TP53BP2: variants seen among roughly 807,000 people sequenced by gnomAD.
TP53BP2 encodes the protein apoptosis-stimulating of p53 protein 2.
Under a neutral mutation model 126.2 loss-of-function variants are expected in TP53BP2, and 62 were observed. The ratio of observed to expected loss-of-function variants is 0.49; its 90% CI spans 0.40 to 0.61. TP53BP2 has a LOEUF of 0.61. Ranked by LOEUF, TP53BP2 falls within the 20% of genes least tolerant of loss-of-function variation. TP53BP2 has a pLI of 0.00. For missense variants in TP53BP2, 1,215 were observed against 1,402.8 expected (o/e 0.87, Z 2.14); for synonymous variants, 485 against 502.9 (o/e 0.96, Z 0.48).
intron 17 of TP53BP2, among the ~76,000 whole-genome samples, chr1:223,782,039 C>CCT (rs3835623): frequency 0.31 from 46,735 of 151,938 alleles, 10,489 homozygotes; most frequent in African/African-American, 0.64. Flanking sequence ...AACCACAGGA[C>CCT]CTGTGTTAGA....
At chr1:223,825,361 T>C (rs1162553619) in intron 1 of TP53BP2, among the ~76,000 whole-genome samples, 1 of 152,144 alleles carries the variant, frequency 6.6e-6, no homozygotes, top group African/African-American at 2.4e-5. Flanking sequence ...AAAACCAAGA[T>C]TGAGCCCCTT....
intron 1 of TP53BP2, among the ~76,000 whole-genome samples, chr1:223,822,424 G>A (rs1472284192): frequency 6.6e-5 from 10 of 152,104 alleles, no homozygotes; most frequent in African/African-American, 1.9e-4. Context: ...CCAACACTTT[G>A]GGAGGCCAAG....
rs761206664 is a variant in TP53BP2 at position 223,795,877 on chromosome 1, G to A, written c.2662C>T (p.Pro888Ser). 6.2e-7 allele frequency: 1 copy of A among 1,601,480 alleles called. No individual in the cohort carries two copies. The highest frequency in any genetic ancestry group is 8.5e-7 in the Non-Finnish European group (1 of 1,174,686). The part of the protein sequence containing the change: ...PPYPSGEPEG[P>S]GEDSVSMRPP... ...CGCATGCTCACCGAGTCTTCTCCGG[G>A]CCCTTCAGGCTCCCCAGATGGGTAT... Residue 888 changes from proline (P) to serine (S), a missense_variant, in exon 13 of 18, where the codon CCC (proline) becomes TCC (serine). This residue lies in a region of TP53BP2 where 204 missense variants were observed against 225.7 expected (regional missense o/e 0.90). Transcript: ENST00000343537.
At chr1:223,815,899 C>T (rs1221512257) in intron 2 of TP53BP2, among the ~76,000 whole-genome samples, 1 of 152,220 alleles carries the variant, frequency 6.6e-6, no homozygotes, top group African/African-American at 2.4e-5. Flanking sequence ...AGGCTGTATA[C>T]CATATAGCCT....
intron 1 of TP53BP2, 174 bp from the exon 2 acceptor site, chr1:223,821,541 G>A (rs537910749): frequency 3.6e-6 from 3 of 824,378 alleles, no homozygotes; most frequent in Admixed American, 1.7e-5. Flanking sequence ...GGGAGACCTG[G>A]AGCCCAGCCC....
intron 2 of TP53BP2, among the ~76,000 whole-genome samples, chr1:223,816,927 A>C (rs1663105439): frequency 6.6e-6 from 1 of 151,752 alleles, no homozygotes; most frequent in African/African-American, 2.4e-5. Context: ...TGGAAGGCTG[A>C]GGCTGGAGGA....
At chr1:223,810,636 A>C in intron 3 of TP53BP2, 123 bp from the exon 4 acceptor site, 1 of 718,560 alleles carries the variant, frequency 1.4e-6, no homozygotes, top group Non-Finnish European at 2.2e-6. Flanking sequence ...TCTTAAAACA[A>C]AATATTTTCT....
intron 14 of TP53BP2, 68 bp downstream of exon 14, chr1:223,793,235 A>ATAAATATAATT: frequency 8.3e-7 from 1 of 1,200,328 alleles, no homozygotes. Context: ...TTTACTAATT[A>ATAAATATAATT]TACTCTAGCC....
At position 223,796,582 on chromosome 1, in the gene TP53BP2, T is replaced by C; in HGVS notation, c.1957A>G (p.Lys653Glu). 1 of 1,561,518 alleles carries C rather than the reference T, an allele frequency of 6.4e-7. No individual in the cohort carries two copies. The highest frequency in any genetic ancestry group is 8.6e-7 in the Non-Finnish European group (1 of 1,159,658). Residue 653 changes from lysine to glutamate, a missense_variant, in exon 13 of 18, where the codon AAG becomes GAG. Physicochemically the swap from Lys to Glu is moderately conservative, Grantham distance 56. This residue lies in a region of TP53BP2 where 814 missense variants were observed against 853.0 expected (regional missense o/e 0.95). Transcript: ENST00000343537. The surrounding 1 kb of genome is among the most constrained non-coding windows in gnomAD (Gnocchi z 4.2). ...RGPHFSSVYG[K>E]PVIAAAQNQQ... The stretch of plus-strand genomic sequence containing the variant: ...TTCTGGGCAGCAGCAATTACAGGCT[T>C]ACCATATACTAATTGGAAAAGGAAA...
At position 223,785,669 on chromosome 1, in the gene TP53BP2, G is replaced by A. The variant is rs531777490; in HGVS notation, c.3164-1355C>T. Among the ~76,000 whole-genome samples the A allele has an allele frequency of 8.5e-5, 13 of 152,306 alleles. No homozygotes were observed. In the East Asian group the frequency reaches 1.2e-3, roughly 14 times the overall value. On this transcript the variant is annotated intron_variant, in intron 16 of 17. Transcript: ENST00000343537. The stretch of plus-strand genomic sequence containing the variant: ...TCCAAAGTGCTGGGATTACAGGCAT[G>A]AGCCACTGCACCCAGCCTCCAATAA...
Position 223,814,243 on chromosome 1 carries a change from T to C in TP53BP2, c.286A>G (p.Ile96Val), listed in dbSNP as rs745514074. 3.1e-6 allele frequency: 5 copies of C among 1,611,504 alleles called. No individual in the cohort carries two copies. The highest frequency in any genetic ancestry group is 1.3e-5 in the African/African-American group (1 of 74,882). Reference sequence around the variant, plus strand: ...CGATTCACAGAGCACTACCTACCAATGTCCCTGCCAGGGGGGCGTTCATGA... The same window carrying C: ...CGATTCACAGAGCACTACCTACCAACGTCCCTGCCAGGGGGGCGTTCATGA... ...LRHERPPGRD[I>V]VSGPRSQDPS... The change falls in exon 3 of 18, where the codon ATT (isoleucine) becomes GTT (valine). Residue 96 changes from isoleucine (I) to valine (V), a missense_variant. Coordinates refer to ENST00000343537, the MANE Select transcript of TP53BP2 (RefSeq NM_001031685.3).
At chr1:223,830,971 G>A (rs933207992) in intron 1 of TP53BP2, among the ~76,000 whole-genome samples, 6 of 152,042 alleles carry the variant, frequency 3.9e-5, no homozygotes, top group South Asian at 2.1e-4. Flanking sequence ...GGTGGCGGGC[G>A]CCTGTAGTCC....
intron 1 of TP53BP2, chr1:223,845,150 A>G: frequency 2.8e-6 from 2 of 702,286 alleles, no homozygotes; most frequent in South Asian, 6.4e-5. Context: ...ATTTACCAAA[A>G]CCCCTTTCCA....
rs1662598101 is a variant in TP53BP2, at chr1:223,803,360, G to C, written c.742C>G (p.Leu248Val). ...ATCCTGCCGTTCTTGAGCATCTCTA[G>C]CTGCCTGGTCAGTTCTTCTACTTTT... Reference protein sequence around the residue: ...VSKVEELTRQLEMLKNGRIDS... With the variant: ...VSKVEELTRQVEMLKNGRIDS... Residue 248 changes from leucine to valine, a missense_variant, in exon 7 of 18, where the codon CTA becomes GTA. By Grantham distance (32) the Leu-to-Val change is conservative (BLOSUM62 1). Transcript: ENST00000343537. 6.2e-7 allele frequency: 1 copy of C among 1,613,860 alleles called. No homozygotes were observed. Among genetic ancestry groups the C allele is most frequent in the African/African-American group, 1.3e-5 (1 of 74,918 alleles).
chr1:223,812,713 C>A (rs998093402), intron 3 of TP53BP2, among the ~76,000 whole-genome samples: 2 of 152,194 alleles, frequency 1.3e-5, no homozygotes, highest in Non-Finnish European at 2.9e-5. Flanking sequence ...GCACATGCCA[C>A]CATGCCCAGC....
At chr1:223,831,597 A>G (rs757972140) in intron 1 of TP53BP2, among the ~76,000 whole-genome samples, 23 of 148,396 alleles carry the variant, frequency 1.5e-4, no homozygotes, top group Non-Finnish European at 2.8e-4. Flanking sequence ...TAAAATCTCA[A>G]CAGTAAAATA....
intron 1 of TP53BP2, among the ~76,000 whole-genome samples, chr1:223,824,702 T>C (rs764669623): frequency 2.6e-5 from 4 of 152,108 alleles, no homozygotes; most frequent in Non-Finnish European, 1.5e-5. Context: ...TAAGAGCTAC[T>C]ATTTAGTAAA....
At chr1:223,800,350 G>T (rs562679994) in intron 10 of TP53BP2, among the ~76,000 whole-genome samples, 55 of 152,344 alleles carry the variant, frequency 3.6e-4, no homozygotes, top group African/African-American at 1.3e-3. Flanking sequence ...ACTTTGGGAA[G>T]TGGAAGCGGG....
intron 1 of TP53BP2, among the ~76,000 whole-genome samples, chr1:223,834,661 C>T (rs529698843): frequency 2.6e-5 from 4 of 152,266 alleles, no homozygotes; most frequent in South Asian, 4.1e-4. Context: ...GTTATAGCCT[C>T]GAGTCACCAA....
Sources: gnomAD v4.1 joint callset for allele counts (sites outside exome capture counted in the v4.1 genomes callset) on GRCh38, gnomAD v4.1.1 for gene constraint, gnomAD v4.1.1 regional missense constraint, Gnocchi (gnomAD v3.1) non-coding constraint, MANE v1.5 for transcripts, NCBI Gene and HGNC (gene_info 2026-07-23, HGNC 2026-07-21) for gene names.